Variants in MLEC observed in about 807,000 individuals in gnomAD.
The protein encoded by MLEC is oligosaccharyltransferase complex subunit (non-catalytic).
Under a neutral mutation model 28.7 loss-of-function variants are expected in MLEC, and 7 were observed. The observed-to-expected ratio is 0.24, with a 90% CI of 0.14 to 0.46. The LOEUF is 0.46. Among genes scored for constraint, MLEC ranks in the 20% least tolerant of loss-of-function variants. MLEC has a pLI of 0.99. For missense variants in MLEC, 237 were observed against 391.1 expected (o/e 0.61, Z 3.32); for synonymous variants, 142 against 164.4 (o/e 0.86, Z 1.04).
In MLEC at chr12:120,696,263, T is replaced by C. The variant is rs1235251596; in HGVS notation, c.650-53T>C. On this transcript the variant is annotated intron_variant, in intron 4 of 4. Coordinates refer to ENST00000228506, the MANE Select transcript of MLEC (RefSeq NM_014730.4). This position sits in a 1 kb window ranked among gnomAD's most constrained non-coding sequence, Gnocchi z 5.4. ...GTGGCTTATTTGCTGCTTTTAAGGG[T>C]CTCTCTTACTTAAATGCTGTGGGTC... The C allele has an allele frequency of 1.3e-6, 2 of 1,594,606 alleles. No homozygotes were observed. The highest frequency in any genetic ancestry group is 8.5e-7 in the Non-Finnish European group (1 of 1,170,536).
chr12:120,696,756 CTT>C lies in MLEC; in HGVS notation c.*213_*214del. The stretch of plus-strand genomic sequence containing the variant: ...AGACGTGCTTCAGTCCTCGTCCTCT[CTT>C]TGTGGCTGGCTCCCAGCCTTCTCTT... On this transcript the variant is annotated 3_prime_UTR_variant, in exon 5 of 5. Transcript: ENST00000228506. This position sits in a 1 kb window ranked among gnomAD's most constrained non-coding sequence, Gnocchi z 5.4. 9.1e-6 allele frequency: 6 copies of C among 660,782 alleles called. No individual in the cohort carries two copies. The South Asian group carries it at 1.0e-4, about 11-fold the overall frequency. 40.9% of individuals were successfully genotyped at this position (660,782 alleles called of 1,614,324 possible).
In MLEC at chr12:120,687,560, T is replaced by C; in HGVS notation, c.235+29T>C. The C allele has an allele frequency of 6.8e-7, 1 of 1,476,286 alleles. No homozygotes were observed. The highest frequency in any genetic ancestry group is 9.0e-7 in the Non-Finnish European group (1 of 1,108,984). 91.4% of individuals were successfully genotyped at this position (1,476,286 alleles called of 1,614,324 possible). A position where few individuals can be genotyped will look rare whatever the true frequency, so the allele number is the denominator to read the frequency against. On this transcript the variant is annotated intron_variant, in intron 1 of 4. Coordinates refer to ENST00000228506, the MANE Select transcript of MLEC (RefSeq NM_014730.4). This position sits in a 1 kb window ranked among gnomAD's most constrained non-coding sequence, Gnocchi z 8.1. Reference sequence around the variant, plus strand: ...AGAGTCCCCCTGCCGAGCCGCGGGATCCAGGGCCTGCTGTGCTGGGCGCAG... The same window carrying C: ...AGAGTCCCCCTGCCGAGCCGCGGGACCCAGGGCCTGCTGTGCTGGGCGCAG...
At chr12:120,688,880 G>A (rs1270926142) in intron 1 of MLEC, among the ~76,000 whole-genome samples, 1 of 152,228 alleles carries the variant, frequency 6.6e-6, no homozygotes, top group African/African-American at 2.4e-5. Flanking sequence ...TTTAGCAGCG[G>A]TAACAGCAGC....
chr12:120,695,465 C>T (rs1303008380), intron 4 of MLEC, among the ~76,000 whole-genome samples: 1 of 152,098 alleles, frequency 6.6e-6, no homozygotes, highest in Admixed American at 6.5e-5. Context: ...TTTGGGATCA[C>T]CTAAAACTTG....
At chr12:120,693,977 T>G in intron 1 of MLEC, 114 bp from the exon 2 acceptor site, 2 of 978,440 alleles carry the variant, frequency 2.0e-6, no homozygotes, top group Non-Finnish European at 2.9e-6. Context: ...GGTGGCCCCT[T>G]TTATGGAGAG....
rs1205600627 is a variant in MLEC, at chr12:120,687,273, G to A, written c.-24G>A. On this transcript the variant is annotated 5_prime_UTR_variant, in exon 1 of 5. Coordinates refer to ENST00000228506, the MANE Select transcript of MLEC (RefSeq NM_014730.4). This position sits in a 1 kb window ranked among gnomAD's most constrained non-coding sequence, Gnocchi z 8.1. ...CGGCCGAGGACGAGGGTCGGCGGGG[G>A]CTGCCCCCGTGGTGGTGGCCGCCAT... The A allele has an allele frequency of 9.6e-6, 13 of 1,359,966 alleles. No homozygotes were observed. The highest frequency in any genetic ancestry group is 1.2e-5 in the Non-Finnish European group (13 of 1,062,924). The allele number at this position is 1,359,966 out of a possible 1,614,324, so 84.2% of individuals were successfully genotyped here.
rs1192047823 is a variant in MLEC at position 120,699,660 on chromosome 12, C to A, written c.*3115C>A. 2 of 152,202 alleles carry A rather than the reference C, an allele frequency of 1.3e-5. No individual in the cohort carries two copies. The highest frequency in any genetic ancestry group is 2.9e-5 in the Non-Finnish European group (2 of 68,038). The allele number at this position is 152,202 out of a possible 1,614,324, so 9.4% of individuals were successfully genotyped here. On this transcript the variant is annotated 3_prime_UTR_variant, in exon 5 of 5. Transcript: ENST00000228506. Reference sequence around the variant, plus strand: ...GAGGAGAGGCTGCTCAATCGACACCCCGAGTTCTCATGACTGGGAAGATAG... The same window carrying A: ...GAGGAGAGGCTGCTCAATCGACACCACGAGTTCTCATGACTGGGAAGATAG...
chr12:120,687,272 G>T lies in MLEC; in HGVS notation c.-25G>T. On this transcript the variant is annotated 5_prime_UTR_variant, in exon 1 of 5. Transcript: ENST00000228506. This position sits in a 1 kb window ranked among gnomAD's most constrained non-coding sequence, Gnocchi z 8.1. ...CCGGCCGAGGACGAGGGTCGGCGGG[G>T]GCTGCCCCCGTGGTGGTGGCCGCCA... The T allele has an allele frequency of 1.5e-6, 2 of 1,359,684 alleles. No homozygotes were observed. Among genetic ancestry groups the T allele is most frequent in the Non-Finnish European group, 1.9e-6 (2 of 1,062,788 alleles). 84.2% of individuals were successfully genotyped at this position (1,359,684 alleles called of 1,614,324 possible).
At position 120,694,752 on chromosome 12, in the gene MLEC, C is replaced by A; in HGVS notation, c.415-72C>A. The A allele has an allele frequency of 7.1e-7, 1 of 1,399,282 alleles. No homozygotes were observed. The highest frequency in any genetic ancestry group is 9.8e-7 in the Non-Finnish European group (1 of 1,018,392). The allele number at this position is 1,399,282 out of a possible 1,614,324, so 86.7% of individuals were successfully genotyped here. On this transcript the variant is annotated intron_variant, in intron 2 of 4. Transcript: ENST00000228506. This position sits in a 1 kb window ranked among gnomAD's most constrained non-coding sequence, Gnocchi z 4.5. ...TTTGAACTTCAAGCCCAAACACGTG[C>A]ATGATGTCCAACTGCTTGAAAGGAT...
At chr12:120,689,310 G>C (rs963622088) in intron 1 of MLEC, among the ~76,000 whole-genome samples, 1 of 152,088 alleles carries the variant, frequency 6.6e-6, no homozygotes, top group Non-Finnish European at 1.5e-5. Flanking sequence ...TCCTTGGAAG[G>C]AGTTTATTGT....
Position 120,694,720 on chromosome 12 carries a change from A to G in MLEC, c.415-104A>G. 1 of 1,146,160 alleles carries G rather than the reference A, an allele frequency of 8.7e-7. No homozygotes were observed. The highest frequency in any genetic ancestry group is 1.3e-6 in the Non-Finnish European group (1 of 797,298). The allele number at this position is 1,146,160 out of a possible 1,614,324, so 71.0% of individuals were successfully genotyped here. ...GGATATCCAGACCCATCATTTCTTA[A>G]ATTATTTTTGAACTTCAAGCCCAAA... On this transcript the variant is annotated intron_variant, in intron 2 of 4. Coordinates refer to ENST00000228506, the MANE Select transcript of MLEC (RefSeq NM_014730.4). The surrounding 1 kb of genome is among the most constrained non-coding windows in gnomAD (Gnocchi z 4.5).
At position 120,687,237 on chromosome 12, in the gene MLEC, G is replaced by T; in HGVS notation, c.-60G>T. 1 of 1,343,666 alleles carries T rather than the reference G, an allele frequency of 7.4e-7. No homozygotes were observed. The allele number at this position is 1,343,666 out of a possible 1,614,324, so 83.2% of individuals were successfully genotyped here. ...GGCGCTGTTTTTCTGAGTCCGGGGTGGCCTGGCAGCCGGCCGAGGACGAGG... is the reference window on the plus strand; with the variant it reads ...GGCGCTGTTTTTCTGAGTCCGGGGTTGCCTGGCAGCCGGCCGAGGACGAGG... On this transcript the variant is annotated 5_prime_UTR_variant, in exon 1 of 5. Transcript: ENST00000228506. The surrounding 1 kb of genome is among the most constrained non-coding windows in gnomAD (Gnocchi z 8.1).
At position 120,694,637 on chromosome 12, in the gene MLEC, C is replaced by T. The variant is rs564693464; in HGVS notation, c.415-187C>T. Reference sequence around the variant, plus strand: ...TTCCTTAAAGCCAATATAAGAACTCCTGGGCAGTGAAGGAACACGGCTTTG... The same window carrying T: ...TTCCTTAAAGCCAATATAAGAACTCTTGGGCAGTGAAGGAACACGGCTTTG... On this transcript the variant is annotated intron_variant, in intron 2 of 4. Transcript: ENST00000228506. The surrounding 1 kb of genome is among the most constrained non-coding windows in gnomAD (Gnocchi z 4.5). Among the ~76,000 whole-genome samples, 1 of 152,210 alleles carries T rather than the reference C, an allele frequency of 6.6e-6. No individual in the cohort carries two copies. The highest frequency in any genetic ancestry group is 1.9e-4 in the East Asian group (1 of 5,182).
In MLEC at chr12:120,696,110, G is replaced by A. The variant is rs76388205; in HGVS notation, c.650-206G>A. ...AGATAGTGAACCTCCCTATGAGCACGGCTTTTTCTACTTTCTAGTTAAATC... is the reference window on the plus strand; with the variant it reads ...AGATAGTGAACCTCCCTATGAGCACAGCTTTTTCTACTTTCTAGTTAAATC... On this transcript the variant is annotated intron_variant, in intron 4 of 4. Transcript: ENST00000228506. The surrounding 1 kb of genome is among the most constrained non-coding windows in gnomAD (Gnocchi z 5.4). Among the ~76,000 whole-genome samples, 1,530 of 152,256 alleles carry A rather than the reference G, an allele frequency of 0.01. 20 individuals are homozygous for A. The highest frequency in any genetic ancestry group is 0.017 in the Non-Finnish European group (1,129 of 68,032).
intron 1 of MLEC, among the ~76,000 whole-genome samples, chr12:120,689,595 G>T (rs1014995485): frequency 6.6e-6 from 1 of 152,178 alleles, no homozygotes; most frequent in Non-Finnish European, 1.5e-5. Flanking sequence ...GCTGAGATGC[G>T]CATAAGCTTG....
chr12:120,700,126 G>T lies in MLEC; in HGVS notation c.*3581G>T, dbSNP rs1882391478. 6.6e-6 allele frequency: 1 copy of T among 152,640 alleles called. No individual in the cohort carries two copies. The highest frequency in any genetic ancestry group is 6.5e-5 in the Admixed American group (1 of 15,286). 9.5% of individuals were successfully genotyped at this position (152,640 alleles called of 1,614,324 possible). A position where few individuals can be genotyped will look rare whatever the true frequency, so the allele number is the denominator to read the frequency against. On this transcript the variant is annotated 3_prime_UTR_variant, in exon 5 of 5. Coordinates refer to ENST00000228506, the MANE Select transcript of MLEC (RefSeq NM_014730.4). This position sits in a 1 kb window ranked among gnomAD's most constrained non-coding sequence, Gnocchi z 4.0. Reference sequence around the variant, plus strand: ...CTTGGGAAACCCAGGGAAAGAATCAGCAGGTTCTCTGCCCTCCCTAGGGGT... The same window carrying T: ...CTTGGGAAACCCAGGGAAAGAATCATCAGGTTCTCTGCCCTCCCTAGGGGT...
chr12:120,691,692 C>T (rs1461461990), intron 1 of MLEC, among the ~76,000 whole-genome samples: 4 of 152,160 alleles, frequency 2.6e-5, no homozygotes, highest in Admixed American at 1.3e-4. Flanking sequence ...CAACTTTGCA[C>T]GTGGCAGATC....
intron 1 of MLEC, among the ~76,000 whole-genome samples, chr12:120,690,242 C>G (rs1881989133): frequency 3.3e-5 from 5 of 151,982 alleles, no homozygotes; most frequent in Admixed American, 3.3e-4. Flanking sequence ...AACTTCTGTC[C>G]TCAAGTGATC....
rs1433460822 is a variant in MLEC, at chr12:120,701,336, T to C, written c.*4791T>C. The C allele has an allele frequency of 6.6e-6, 1 of 152,556 alleles. No homozygotes were observed. Among genetic ancestry groups the C allele is most frequent in the Non-Finnish European group, 1.5e-5 (1 of 68,036 alleles). The allele number at this position is 152,556 out of a possible 1,614,324, so 9.5% of individuals were successfully genotyped here. On this transcript the variant is annotated 3_prime_UTR_variant, in exon 5 of 5. Coordinates refer to ENST00000228506, the MANE Select transcript of MLEC (RefSeq NM_014730.4). The surrounding 1 kb of genome is among the most constrained non-coding windows in gnomAD (Gnocchi z 4.0). ...CCCTGGTGTGTTGTGATCCAGGGAATGAAAAGAAATTTGACCCTGGATTGG... is the reference window on the plus strand; with the variant it reads ...CCCTGGTGTGTTGTGATCCAGGGAACGAAAAGAAATTTGACCCTGGATTGG...
Sources: gnomAD v4.1 joint callset for allele counts (sites outside exome capture counted in the v4.1 genomes callset) on GRCh38, gnomAD v4.1.1 for gene constraint, Gnocchi (gnomAD v3.1) non-coding constraint, MANE v1.5 for transcripts, NCBI Gene and HGNC (gene_info 2026-07-23, HGNC 2026-07-21) for gene names.